TRPM8: variants seen among roughly 807,000 people sequenced by gnomAD.
TRPM8 encodes the protein transient receptor potential cation channel subfamily M member 8, also known as TRPM8 cationic channel.
In TRPM8, 110 loss-of-function variants were observed where a neutral mutation model predicts 133.7. The ratio of observed to expected loss-of-function variants is 0.82; its 90% CI spans 0.70 to 0.96. TRPM8 has a LOEUF of 0.96. Among genes scored for constraint, TRPM8 ranks in the 40% least tolerant of loss-of-function variants. The pLI is 0.00. For synonymous variants in TRPM8, 535 were observed against 532.3 expected (o/e 1.01, Z -0.07); for missense variants, 1,291 against 1,379.5 (o/e 0.94, Z 1.02).
intron 21 of TRPM8, among the ~76,000 whole-genome samples, chr2:233,992,567 TG>T (rs1365815893): frequency 3.9e-5 from 6 of 152,206 alleles, no homozygotes; most frequent in Non-Finnish European, 5.9e-5. Context: ...TCCCTCTGCA[TG>T]GCCTCTCCTT....
intron 21 of TRPM8, among the ~76,000 whole-genome samples, chr2:233,991,475 G>A (rs531984073): frequency 6.4e-4 from 98 of 152,266 alleles, no homozygotes; most frequent in Non-Finnish European, 1.3e-3. Context: ...CTGTCACCAC[G>A]GGCCATGGGG....
chr2:233,953,911 C>T lies in TRPM8; in HGVS notation c.1141-6C>T, dbSNP rs201609236. 44 of 1,607,592 alleles carry T rather than the reference C, an allele frequency of 2.7e-5. No homozygotes were observed. Among genetic ancestry groups the T allele is most frequent in the African/African-American group, 8.0e-5 (6 of 74,698 alleles). ...TGGCTGACACTTTGTTCTTTAATTT[C>T]GCCAGCTCAAAGAAATTCTCGAATG... On this transcript the variant is annotated splice_region_variant and splice_polypyrimidine_tract_variant and intron_variant, in intron 9 of 25. Coordinates refer to ENST00000324695, the MANE Select transcript of TRPM8 (RefSeq NM_024080.5).
intron 18 of TRPM8, among the ~76,000 whole-genome samples, chr2:233,981,016 C>A (rs1168594628): frequency 2.0e-5 from 3 of 152,096 alleles, no homozygotes; most frequent in African/African-American, 7.2e-5. Flanking sequence ...TTGAGACCAG[C>A]CTGAGCAACA....
At chr2:233,967,088 A>G (rs1258583739) in intron 15 of TRPM8, among the ~76,000 whole-genome samples, 1 of 152,234 alleles carries the variant, frequency 6.6e-6, no homozygotes, top group Non-Finnish European at 1.5e-5. Flanking sequence ...GCCAAGTTAC[A>G]TGAGCTCTCC....
chr2:233,962,995 G>A (rs1239308142), intron 12 of TRPM8, among the ~76,000 whole-genome samples: 1 of 152,222 alleles, frequency 6.6e-6, no homozygotes, highest in African/African-American at 2.4e-5. Flanking sequence ...ATTGCCTTCT[G>A]TCAGCCTGTC....
At chr2:233,926,400 G>A in intron 1 of TRPM8, 133 bp from the exon 2 acceptor site, 2 of 694,310 alleles carry the variant, frequency 2.9e-6, no homozygotes, top group Non-Finnish European at 5.2e-6. Context: ...ACCATGGTGG[G>A]CCGAATGGAG....
At chr2:233,976,458 G>C (rs1387933896) in intron 17 of TRPM8, among the ~76,000 whole-genome samples, 1 of 152,132 alleles carries the variant, frequency 6.6e-6, no homozygotes, top group East Asian at 1.9e-4. Context: ...ACAGGGCAGG[G>C]ACATGGGGTG....
chr2:233,971,025 T>C (rs138675766), intron 17 of TRPM8, among the ~76,000 whole-genome samples: 28 of 152,276 alleles, frequency 1.8e-4, no homozygotes, highest in African/African-American at 6.7e-4. Context: ...AAAAAATAAA[T>C]ATTGATGGTG....
rs199598728 is a variant in TRPM8, at chr2:233,955,229, C to T, written c.1341C>T (p.Phe447=). The change falls in exon 11 of 26, where the codon TTC becomes TTT. Residue 447 remains phenylalanine (F), a synonymous_variant. Coordinates refer to ENST00000324695, the MANE Select transcript of TRPM8 (RefSeq NM_024080.5). ...TGGACTTAGCCAATGATGAGATTTTCACCAATGACCGCCGATGGGAGGTAA... is the reference window on the plus strand; with the variant it reads ...TGGACTTAGCCAATGATGAGATTTTTACCAATGACCGCCGATGGGAGGTAA... ...NQLDLANDEI[F]TNDRRWESAD... The T allele has an allele frequency of 5.6e-6, 9 of 1,613,876 alleles. No individual in the cohort carries two copies. Among genetic ancestry groups the T allele is most frequent in the East Asian group, 2.2e-5 (1 of 44,894 alleles).
At chr2:233,980,063 A>G in intron 17 of TRPM8, 125 bp from the exon 18 acceptor site, 1 of 713,036 alleles carries the variant, frequency 1.4e-6, no homozygotes, top group Non-Finnish European at 2.4e-6. Flanking sequence ...GGCATATGAA[A>G]GAATAAACAA....
At chr2:233,977,687 T>C (rs1224901099) in intron 17 of TRPM8, among the ~76,000 whole-genome samples, 1 of 152,228 alleles carries the variant, frequency 6.6e-6, no homozygotes, top group African/African-American at 2.4e-5. Flanking sequence ...CCTTGGTTTC[T>C]GAGCCTAGGC....
intron 7 of TRPM8, 83 bp from the exon 8 acceptor site, chr2:233,947,005 G>A: frequency 7.8e-7 from 1 of 1,273,940 alleles, no homozygotes; most frequent in Non-Finnish European, 1.1e-6. Context: ...TCACAGGGCA[G>A]AAGCTCTTGG....
At chr2:233,939,625 G>A (rs1439938870) in intron 5 of TRPM8, among the ~76,000 whole-genome samples, 3 of 152,154 alleles carry the variant, frequency 2.0e-5, no homozygotes, top group African/African-American at 7.2e-5. Flanking sequence ...CTAAGCCTTT[G>A]TTACTTGAAA....
chr2:233,999,228 ACC>A lies in TRPM8; in HGVS notation c.3130+2715_3130+2716del, dbSNP rs538508960. On this transcript the variant is annotated intron_variant, in intron 22 of 25. Transcript: ENST00000324695. ...GAAGCATCCAGTGATTGGAAGCTGG[ACC>A]CCAGGCTGGCTGGTCTGGACATCCA... Among the ~76,000 whole-genome samples the A allele has an allele frequency of 2.0e-5, 3 of 152,138 alleles. No homozygotes were observed. The South Asian group carries it at 6.2e-4, about 32-fold the overall frequency.
intron 21 of TRPM8, among the ~76,000 whole-genome samples, chr2:233,988,551 T>C (rs1328493592): frequency 6.6e-6 from 1 of 152,212 alleles, no homozygotes; most frequent in African/African-American, 2.4e-5. Flanking sequence ...CTTAGCTTCC[T>C]GGTGTATTAT....
Position 233,923,585 on chromosome 2 carries a change from A to C in TRPM8, c.-5-2948A>C, listed in dbSNP as rs1234730852. On this transcript the variant is annotated intron_variant, in intron 1 of 25. Transcript: ENST00000324695. The stretch of plus-strand genomic sequence containing the variant: ...GGGCCGGCATCCACTGCACATCTCG[A>C]GCACATCCTCTGGTTTGACATGGGG... Among the ~76,000 whole-genome samples, 7 of 152,162 alleles carry C rather than the reference A, an allele frequency of 4.6e-5. No homozygotes were observed. The East Asian group carries it at 1.3e-3, about 29-fold the overall frequency.
intron 11 of TRPM8, among the ~76,000 whole-genome samples, chr2:233,956,015 C>G (rs1323650312): frequency 1.3e-5 from 2 of 152,146 alleles, no homozygotes; most frequent in Non-Finnish European, 2.9e-5. Flanking sequence ...CCCATCACCC[C>G]CAGATGAGAC....
At chr2:233,946,056 A>T in intron 7 of TRPM8, 26 bp downstream of exon 7, 2 of 1,602,576 alleles carry the variant, frequency 1.2e-6, no homozygotes, top group Non-Finnish European at 1.7e-6. Context: ...GTAGGACACT[A>T]GAAGTGTACA....
rs769563242 is a variant in TRPM8, at chr2:233,950,138, A to C, written c.1132A>C (p.Ile378Leu). The change falls in exon 9 of 26, where the codon ATC (isoleucine) becomes CTC (leucine). Residue 378 changes from isoleucine (I) to leucine (L), a missense_variant. Ile to Leu is a conservative substitution (Grantham distance 5). Coordinates refer to ENST00000324695, the MANE Select transcript of TRPM8 (RefSeq NM_024080.5). Reference protein sequence around the residue: ...RLPEEETESWIKWLKEILECS... With the variant: ...RLPEEETESWLKWLKEILECS... The stretch of plus-strand genomic sequence containing the variant: ...GCCTGAGGAGGAGACTGAGAGTTGG[A>C]TCAAATGGGTAAGTTGTCGGGACCA... The C allele has an allele frequency of 3.1e-6, 5 of 1,612,484 alleles. No homozygotes were observed. The highest frequency in any genetic ancestry group is 4.2e-6 in the Non-Finnish European group (5 of 1,179,876).
Sources: gnomAD v4.1 joint callset for allele counts (sites outside exome capture counted in the v4.1 genomes callset) on GRCh38, gnomAD v4.1.1 for gene constraint, MANE v1.5 for transcripts, NCBI Gene and HGNC (gene_info 2026-07-23, HGNC 2026-07-21) for gene names.